WDR41: variants seen among roughly 807,000 people sequenced by gnomAD.
WDR41 encodes the protein WD repeat domain 41, also known as WD repeat-containing protein 41.
WDR41 carries 63 observed loss-of-function variants against 69.3 expected under a neutral mutation model. The ratio of observed to expected loss-of-function variants is 0.91; its 90% CI spans 0.74 to 1.12. The LOEUF (loss-of-function observed/expected upper bound fraction) is 1.12. WDR41 is among the 50% of genes most tolerant of loss of function. The pLI, the probability that WDR41 is intolerant of heterozygous loss-of-function variation, is 0.00. For synonymous variants in WDR41, 185 were observed against 192.1 expected (o/e 0.96, Z 0.31); for missense variants, 543 against 534.5 (o/e 1.02, Z -0.16).
intron 1 of WDR41, among the ~76,000 whole-genome samples, chr5:77,519,417 G>T (rs1802340054): frequency 6.6e-6 from 1 of 151,744 alleles, no homozygotes; most frequent in Admixed American, 6.6e-5. Context: ...TAATTAAATT[G>T]TAAGTTCAGG....
intron 1 of WDR41, among the ~76,000 whole-genome samples, chr5:77,575,406 T>G (rs530663298): frequency 8.0e-4 from 122 of 152,366 alleles, no homozygotes; most frequent in Admixed American, 1.4e-3. Context: ...GCAAGCCATG[T>G]GCTTTCAGTA....
intron 1 of WDR41, among the ~76,000 whole-genome samples, chr5:77,504,012 G>C (rs1802063080): frequency 6.6e-6 from 1 of 151,798 alleles, no homozygotes; most frequent in African/African-American, 2.4e-5. Context: ...CAGAAGAGAA[G>C]AAATGACTAA....
intron 9 of WDR41, among the ~76,000 whole-genome samples, chr5:77,439,344 C>T (rs1194745490): frequency 6.6e-6 from 1 of 152,196 alleles, no homozygotes; most frequent in Non-Finnish European, 1.5e-5. Flanking sequence ...CCAAAGCATG[C>T]CCCCAAGGCT....
chr5:77,470,341 C>A (rs541443462), intron 2 of WDR41, among the ~76,000 whole-genome samples: 4 of 152,194 alleles, frequency 2.6e-5, no homozygotes, highest in Non-Finnish European at 5.9e-5. Context: ...ATTGTAAAGA[C>A]CATCGAGGCT....
At chr5:77,459,998 C>T (rs556975871) in intron 4 of WDR41, among the ~76,000 whole-genome samples, 96 of 152,212 alleles carry the variant, frequency 6.3e-4, no homozygotes, top group Admixed American at 2.8e-3. Context: ...CTTACATAAG[C>T]CTATAGTTGG....
chr5:77,615,298 T>C (rs1744657796), intron 1 of WDR41, among the ~76,000 whole-genome samples: 1 of 152,244 alleles, frequency 6.6e-6, no homozygotes, highest in African/African-American at 2.4e-5. Context: ...ACTAAAAATA[T>C]ATCATTTATT....
rs149509316 is a variant in WDR41, at chr5:77,567,269, C to A, written c.42+53210G>T. On this transcript the variant is annotated intron_variant, in intron 1 of 5. Coordinates refer to the WDR41 transcript ENST00000509971. ...TTAAGCCATCTCTTCCTCAATGGAG[C>A]TTTTATTATATTAGCTAACAAACAG... 1.3e-3 allele frequency among the ~76,000 whole-genome samples: 192 copies of A among 152,222 alleles called. 4 individuals are homozygous for A. In the East Asian group the frequency reaches 0.035, roughly 27 times the overall value.
At chr5:77,507,614 G>T (rs1000545624) in intron 1 of WDR41, among the ~76,000 whole-genome samples, 5 of 151,894 alleles carry the variant, frequency 3.3e-5, no homozygotes, top group Non-Finnish European at 7.4e-5. Context: ...AGATTTTTTT[G>T]TCAGTCAATA....
chr5:77,439,824 A>G (rs1799087909), intron 9 of WDR41, among the ~76,000 whole-genome samples: 1 of 152,230 alleles, frequency 6.6e-6, no homozygotes. Context: ...CAAAAGTGAG[A>G]AAAAACATGT....
Position 77,451,292 on chromosome 5 carries a change from C to G in WDR41, c.585G>C (p.Leu195=). ...NCVVAAVGKE[L]IIFRLVAPTE... Reference sequence around the variant, plus strand: ...AAAAAGAAAAAAATTCATACTCACTCAGTTCTTTGCCAACTGCTGCCACAA... The same window carrying G: ...AAAAAGAAAAAAATTCATACTCACTGAGTTCTTTGCCAACTGCTGCCACAA... The change falls in exon 7 of 13, where the codon CTG becomes CTC. Residue 195 remains leucine, a splice_region_variant and synonymous_variant. Coordinates refer to ENST00000296679, the MANE Select transcript of WDR41 (RefSeq NM_018268.4). The G allele has an allele frequency of 6.2e-7, 1 of 1,613,604 alleles. No individual in the cohort carries two copies. The highest frequency in any genetic ancestry group is 8.5e-7 in the Non-Finnish European group (1 of 1,179,678).
chr5:77,469,815 A>G (rs1320070928), intron 2 of WDR41, among the ~76,000 whole-genome samples: 2 of 152,178 alleles, frequency 1.3e-5, no homozygotes, highest in Non-Finnish European at 2.9e-5. Context: ...GTGTAACTGA[A>G]AGTGACAGGG....
intron 8 of WDR41, among the ~76,000 whole-genome samples, chr5:77,448,816 C>T (rs1353269763): frequency 6.6e-6 from 1 of 151,922 alleles, no homozygotes; most frequent in African/African-American, 2.4e-5. Flanking sequence ...TGCAGTGAGT[C>T]GAGACCATGC....
intron 1 of WDR41, among the ~76,000 whole-genome samples, chr5:77,509,413 G>A (rs1802161859): frequency 6.6e-6 from 1 of 152,098 alleles, no homozygotes; most frequent in Non-Finnish European, 1.5e-5. Context: ...ACAGAAACTT[G>A]TACATGTATG....
chr5:77,572,969 T>G (rs746281962), intron 1 of WDR41, among the ~76,000 whole-genome samples: 12 of 152,212 alleles, frequency 7.9e-5, no homozygotes, highest in Non-Finnish European at 1.3e-4. Flanking sequence ...CTATGCTTTC[T>G]CTTCCCTTCT....
rs552903825 is a variant in WDR41 at position 77,553,020 on chromosome 5, A to G, written c.43-63448T>C. On this transcript the variant is annotated intron_variant, in intron 1 of 5. Coordinates refer to the WDR41 transcript ENST00000509971. The stretch of plus-strand genomic sequence containing the variant: ...ACTTGACACCAACTGCATGATCCAT[A>G]AAAAGAAAAACTGATGAATTGGACC... Among the ~76,000 whole-genome samples the G allele has an allele frequency of 1.1e-4, 16 of 152,338 alleles. No individual in the cohort carries two copies. The South Asian group carries it at 3.1e-3, about 30-fold the overall frequency.
At chr5:77,564,945 C>A (rs1743593906) in intron 1 of WDR41, among the ~76,000 whole-genome samples, 1 of 152,098 alleles carries the variant, frequency 6.6e-6, no homozygotes, top group African/African-American at 2.4e-5. Context: ...TCACCAATTT[C>A]TTTTCTCTCT....
At chr5:77,604,033 C>T (rs2112328674) in intron 1 of WDR41, among the ~76,000 whole-genome samples, 1 of 152,144 alleles carries the variant, frequency 6.6e-6, no homozygotes, top group African/African-American at 2.4e-5. Context: ...GTTCTTTTTC[C>T]CTCAAGATCG....
intron 1 of WDR41, chr5:77,583,112 G>A: frequency 6.6e-7 from 1 of 1,507,944 alleles, no homozygotes; most frequent in Non-Finnish European, 9.1e-7. Flanking sequence ...CTTACTAGAA[G>A]AATGAACTAA....
chr5:77,440,677 A>G (rs541142679), intron 9 of WDR41, 136 bp downstream of exon 9: 1 of 789,982 alleles, frequency 1.3e-6, no homozygotes, highest in South Asian at 2.3e-5. Context: ...AATTTTAGAA[A>G]AAGACCATTT....
Sources: allele counts gnomAD v4.1 joint callset (sites outside exome capture counted in the v4.1 genomes callset), GRCh38; gene constraint gnomAD v4.1.1; transcripts MANE v1.5; gene names NCBI Gene and HGNC (gene_info 2026-07-23, HGNC 2026-07-21).